Variants in DCUN1D3 observed in about 807,000 individuals in gnomAD.
The protein encoded by DCUN1D3 is DCN1-like protein 3.
Under a neutral mutation model 24.8 loss-of-function variants are expected in DCUN1D3, and 6 were observed. The observed-to-expected ratio is 0.24, with a 90% CI of 0.13 to 0.48. The LOEUF (loss-of-function observed/expected upper bound fraction) is 0.48, where lower values mean the gene tolerates loss of function less well. Among genes scored for constraint, DCUN1D3 ranks in the 20% least tolerant of loss-of-function variants. The pLI is 0.99. For missense variants in DCUN1D3, 258 were observed against 379.4 expected, an observed-to-expected ratio of 0.68 and a Z score of 2.66; for synonymous variants, 120 against 144.9, an observed-to-expected ratio of 0.83 and a Z score of 1.24.
Position 20,860,218 on chromosome 16 carries a change from C to A in DCUN1D3, c.583G>T (p.Glu195Ter). The A allele has an allele frequency of 6.2e-7, 1 of 1,614,256 alleles. No homozygotes were observed. The highest frequency in any genetic ancestry group is 8.5e-7 in the Non-Finnish European group (1 of 1,180,052). ...TCCCGATGCAGTGACCGCTGCCCTT[C>A]TTCAGAGTCCAGGCCAAACTGAAAT... ...FTFQFGLDSE[E>*]GQRSLHREIA... is the part of the protein sequence containing the mutation. Residue 195 changes from glutamate to a stop codon, truncating the protein, a stop_gained, in exon 3 of 3, where the codon GAA (glutamate) becomes TAA (stop). Coordinates refer to ENST00000324344, the MANE Select transcript of DCUN1D3 (RefSeq NM_173475.4). LOFTEE classifies it high-confidence loss of function. This position sits in a 1 kb window ranked among gnomAD's most constrained non-coding sequence, Gnocchi z 4.3.
At chr16:20,872,361 G>A (rs2081792498) in intron 1 of DCUN1D3, among the ~76,000 whole-genome samples, 1 of 152,100 alleles carries the variant, frequency 6.6e-6, no homozygotes, top group African/African-American at 2.4e-5. Context: ...GTCTTAAAGG[G>A]CACCTGGATG....
At chr16:20,883,853 G>A (rs1213205240) in intron 1 of DCUN1D3, among the ~76,000 whole-genome samples, 2 of 152,206 alleles carry the variant, frequency 1.3e-5, no homozygotes, top group Admixed American at 6.5e-5. Flanking sequence ...GATAAATTAA[G>A]CAACTCCAGC....
At position 20,855,672 on chromosome 16, in the gene DCUN1D3, C is replaced by T. The variant is rs2081699172; in HGVS notation, c.*4214G>A. 1 of 152,202 alleles carries T rather than the reference C, an allele frequency of 6.6e-6. No individual in the cohort carries two copies. The highest frequency in any genetic ancestry group is 2.1e-4 in the South Asian group (1 of 4,828). 9.4% of individuals were successfully genotyped at this position (152,202 alleles called of 1,614,324 possible). On this transcript the variant is annotated 3_prime_UTR_variant, in exon 3 of 3. Coordinates refer to ENST00000324344, the MANE Select transcript of DCUN1D3 (RefSeq NM_173475.4). ...GGGGGAAAACCCCTGCCGATCCTCACCAACATGCAGTCCCAGTCCAGTTTA... is the reference window on the plus strand; with the variant it reads ...GGGGGAAAACCCCTGCCGATCCTCATCAACATGCAGTCCCAGTCCAGTTTA...
intron 1 of DCUN1D3, among the ~76,000 whole-genome samples, chr16:20,893,324 C>T (rs1175023990): frequency 6.6e-6 from 1 of 152,110 alleles, no homozygotes; most frequent in Non-Finnish European, 1.5e-5. Flanking sequence ...AGGTGCACAC[C>T]ACCACGCCCA....
At chr16:20,895,864 T>C (rs550031968) in intron 1 of DCUN1D3, among the ~76,000 whole-genome samples, 1 of 152,314 alleles carries the variant, frequency 6.6e-6, no homozygotes, top group South Asian at 2.1e-4. Flanking sequence ...AGTTACCACG[T>C]CATTACCATT....
intron 1 of DCUN1D3, among the ~76,000 whole-genome samples, chr16:20,870,688 C>T (rs2081783971): frequency 6.6e-6 from 1 of 152,204 alleles, no homozygotes; most frequent in Non-Finnish European, 1.5e-5. Context: ...CCATTCTGTT[C>T]CCATCTAGAA....
At chr16:20,876,209 C>T (rs932321415) in intron 1 of DCUN1D3, among the ~76,000 whole-genome samples, 4 of 152,022 alleles carry the variant, frequency 2.6e-5, no homozygotes, top group Admixed American at 6.6e-5. Context: ...TCAGGTGATC[C>T]GCCTGCCTCA....
intron 1 of DCUN1D3, among the ~76,000 whole-genome samples, chr16:20,882,222 C>A (rs1178714504): frequency 6.6e-6 from 1 of 151,668 alleles, no homozygotes; most frequent in South Asian, 2.1e-4. Context: ...AGCCTCTCTG[C>A]CCCTGAGCAC....
chr16:20,860,132 T>A lies in DCUN1D3; in HGVS notation c.669A>T (p.Gln223His). 1 of 1,614,226 alleles carries A rather than the reference T, an allele frequency of 6.2e-7. No homozygotes were observed. The highest frequency in any genetic ancestry group is 8.5e-7 in the Non-Finnish European group (1 of 1,180,030). ...GGTTCTCTGTTAGGAAGTTTAGCCA[T>A]TGGTCCAATACCGGAGGATTGTTCT... ...FTQNNPPVLD[Q>H]WLNFLTENPS... The change falls in exon 3 of 3, where the codon CAA (glutamine) becomes CAT (histidine). Residue 223 changes from glutamine to histidine, a missense_variant. By Grantham distance (24) the Gln-to-His change is conservative (BLOSUM62 0). Transcript: ENST00000324344. This position sits in a 1 kb window ranked among gnomAD's most constrained non-coding sequence, Gnocchi z 4.3.
At chr16:20,880,637 A>AC (rs2081839100) in intron 1 of DCUN1D3, among the ~76,000 whole-genome samples, 1 of 150,800 alleles carries the variant, frequency 6.6e-6, no homozygotes, top group African/African-American at 2.4e-5. Context: ...AAACAGAAAA[A>AC]AGAAAAAAGA....
chr16:20,855,932 A>AG lies in DCUN1D3; in HGVS notation c.*3953dup, dbSNP rs922500086. 7 of 152,376 alleles carry AG rather than the reference A, an allele frequency of 4.6e-5. No individual in the cohort carries two copies. The highest frequency in any genetic ancestry group is 1.4e-4 in the African/African-American group (6 of 41,596). The allele number at this position is 152,376 out of a possible 1,614,324, so 9.4% of individuals were successfully genotyped here. A position where few individuals can be genotyped will look rare whatever the true frequency, so the allele number is the denominator to read the frequency against. ...GACCTGTCATTTACCAAGATGTTCA[A>AG]GTCCCCCAAGGAAGACCTTTGTCAG... On this transcript the variant is annotated 3_prime_UTR_variant, in exon 3 of 3. Transcript: ENST00000324344.
At position 20,856,357 on chromosome 16, in the gene DCUN1D3, G is replaced by A. The variant is rs144104228; in HGVS notation, c.*3529C>T. On this transcript the variant is annotated 3_prime_UTR_variant, in exon 3 of 3. Coordinates refer to ENST00000324344, the MANE Select transcript of DCUN1D3 (RefSeq NM_173475.4). ...TATATAGTACATGAGGCCATCGAGT[G>A]TAACTACTATGGGACTCCATTTTGG... is the stretch of plus-strand genomic sequence containing the variant. 56 of 152,298 alleles carry A rather than the reference G, an allele frequency of 3.7e-4. 2 individuals are homozygous for A. In the East Asian group the frequency reaches 4.3e-3, roughly 12 times the overall value. The allele number at this position is 152,298 out of a possible 1,614,324, so 9.4% of individuals were successfully genotyped here. A position where few individuals can be genotyped will look rare whatever the true frequency, so the allele number is the denominator to read the frequency against.
intron 1 of DCUN1D3, among the ~76,000 whole-genome samples, chr16:20,897,912 G>A (rs570833628): frequency 1.9e-4 from 29 of 152,140 alleles, no homozygotes; most frequent in Non-Finnish European, 3.8e-4. Flanking sequence ...TAGTTAAGGC[G>A]ACAGAATTAA....
chr16:20,885,306 G>GT (rs1283583523), intron 1 of DCUN1D3, among the ~76,000 whole-genome samples: 1 of 151,970 alleles, frequency 6.6e-6, no homozygotes, highest in Admixed American at 6.6e-5. Flanking sequence ...ATCTTCACTA[G>GT]TAACACTTGG....
intron 1 of DCUN1D3, among the ~76,000 whole-genome samples, chr16:20,884,849 G>T (rs773818447): frequency 6.6e-6 from 1 of 152,138 alleles, no homozygotes; most frequent in Non-Finnish European, 1.5e-5. Context: ...AATGAAGTTC[G>T]AGGTTGCAGG....
intron 1 of DCUN1D3, among the ~76,000 whole-genome samples, chr16:20,879,005 G>C (rs562932808): frequency 6.6e-6 from 1 of 152,312 alleles, no homozygotes; most frequent in South Asian, 2.1e-4. Flanking sequence ...GAAACAGCCA[G>C]CTCTTACTCT....
At chr16:20,862,005 C>T in intron 2 of DCUN1D3, 103 bp downstream of exon 2, 3 of 1,267,982 alleles carry the variant, frequency 2.4e-6, no homozygotes, top group Non-Finnish European at 3.3e-6. Flanking sequence ...TTACCCAAAA[C>T]CCTATGAAGC....
At position 20,897,288 on chromosome 16, in the gene DCUN1D3, G is replaced by A. The variant is rs372973128; in HGVS notation, c.-106+2916C>T. 2.4e-3 allele frequency among the ~76,000 whole-genome samples: 372 copies of A among 152,284 alleles called. 5 individuals are homozygous for A. In the South Asian group the frequency reaches 0.028, roughly 11 times the overall value. ...TCTTGATTGGGCCTCTCAAGTGGACGGTCTGGTCAAGGTGAGGCTGAAAAG... is the reference window on the plus strand; with the variant it reads ...TCTTGATTGGGCCTCTCAAGTGGACAGTCTGGTCAAGGTGAGGCTGAAAAG... On this transcript the variant is annotated intron_variant, in intron 1 of 2. Transcript: ENST00000324344.
At chr16:20,867,219 G>C (rs990880331) in intron 1 of DCUN1D3, among the ~76,000 whole-genome samples, 4 of 152,158 alleles carry the variant, frequency 2.6e-5, no homozygotes, top group Non-Finnish European at 5.9e-5. Flanking sequence ...AGGCTAGATT[G>C]CTGAGCCCAC....
Sources: allele counts gnomAD v4.1 joint callset (sites outside exome capture counted in the v4.1 genomes callset), GRCh38; gene constraint gnomAD v4.1.1; non-coding constraint Gnocchi (gnomAD v3.1); transcripts MANE v1.5; gene names NCBI Gene and HGNC (gene_info 2026-07-23, HGNC 2026-07-21).